The following PLXDC2 variants were observed in gnomAD, a reference collection of about 807,000 sequenced individuals.
PLXDC2 encodes plexin domain containing 2, also known as plexin domain-containing protein 2.
Under a neutral mutation model 68.9 loss-of-function variants are expected in PLXDC2, and 40 were observed. The observed-to-expected ratio is 0.58, with a 90% CI of 0.45 to 0.76. The LOEUF (loss-of-function observed/expected upper bound fraction) is 0.76, where lower values mean the gene tolerates loss of function less well. Ranked by LOEUF, PLXDC2 falls within the 30% of genes least tolerant of loss-of-function variation. The probability of loss-of-function intolerance (pLI) is 0.00; values close to 1 mark genes in which losing one functional copy is unlikely to be tolerated. For synonymous variants in PLXDC2, 243 were observed against 234.2 expected, an observed-to-expected ratio of 1.04 and a Z score of -0.34; for missense variants, 644 against 661.9, an observed-to-expected ratio of 0.97 and a Z score of 0.30.
At chr10:20,237,876 A>G (rs1424160447) in intron 12 of PLXDC2, among the ~76,000 whole-genome samples, 1 of 152,200 alleles carries the variant, frequency 6.6e-6, no homozygotes, top group Non-Finnish European at 1.5e-5. Context: ...GCCCAGGAGA[A>G]GAGTTAGTTC....
intron 8 of PLXDC2, 25 bp from the exon 9 acceptor site, chr10:20,177,303 G>GA: frequency 6.5e-7 from 1 of 1,547,298 alleles, no homozygotes; most frequent in Non-Finnish European, 8.9e-7. Flanking sequence ...TAGTCTTGGT[G>GA]AATCTGTTCT....
chr10:19,929,799 G>A (rs1228952421), intron 1 of PLXDC2, among the ~76,000 whole-genome samples: 1 of 152,204 alleles, frequency 6.6e-6, no homozygotes, highest in Non-Finnish European at 1.5e-5. Flanking sequence ...CAAGAGAATA[G>A]TTTCTGTTGT....
Position 20,002,935 on chromosome 10 carries a change from A to G in PLXDC2, c.324+949A>G, listed in dbSNP as rs77720540. ...CGTAGGATGGCTTCCAGTGTTAAATATGGAACAGTTCTGGACAAACTGGGA... is the reference window on the plus strand; with the variant it reads ...CGTAGGATGGCTTCCAGTGTTAAATGTGGAACAGTTCTGGACAAACTGGGA... On this transcript the variant is annotated intron_variant, in intron 2 of 13. Transcript: ENST00000377252. Among the ~76,000 whole-genome samples, 46 of 152,254 alleles carry G rather than the reference A, an allele frequency of 3.0e-4. No individual in the cohort carries two copies. In the East Asian group the frequency reaches 8.7e-3, roughly 29 times the overall value.
intron 1 of PLXDC2, among the ~76,000 whole-genome samples, chr10:19,965,371 T>C (rs898097920): frequency 3.9e-5 from 6 of 152,160 alleles, no homozygotes; most frequent in Admixed American, 3.3e-4. Flanking sequence ...CTATTGGCCA[T>C]TTTTTGGTGG....
rs768930890 is a variant in PLXDC2, at chr10:19,963,603, C to T, written c.113-38172C>T. On this transcript the variant is annotated intron_variant, in intron 1 of 13. Coordinates refer to ENST00000377252, the MANE Select transcript of PLXDC2 (RefSeq NM_032812.9). ...ATCGCAAGGCCAAAAAACCAAACAC[C>T]GCATGTTCTCACTCATAGGTGGGAA... Among the ~76,000 whole-genome samples the T allele has an allele frequency of 2.4e-4, 36 of 152,148 alleles. 1 individual carries two copies. Among genetic ancestry groups the T allele is most frequent in the Admixed American group, 8.5e-4 (13 of 15,280 alleles).
At chr10:19,894,413 T>C (rs1041583001) in intron 1 of PLXDC2, among the ~76,000 whole-genome samples, 1 of 152,090 alleles carries the variant, frequency 6.6e-6, no homozygotes, top group Non-Finnish European at 1.5e-5. Context: ...ACTTTCAATT[T>C]CAATTGGAAT....
At chr10:19,841,545 T>A (rs544252494) in intron 1 of PLXDC2, among the ~76,000 whole-genome samples, 1 of 151,544 alleles carries the variant, frequency 6.6e-6, no homozygotes, top group Admixed American at 6.6e-5. Context: ...GGGTTTTTTT[T>A]TTTTTTTTTT....
At chr10:19,900,895 A>G (rs1838147018) in intron 1 of PLXDC2, among the ~76,000 whole-genome samples, 2 of 151,858 alleles carry the variant, frequency 1.3e-5, no homozygotes. Context: ...TTAGAATAAT[A>G]GTCTCCAATC....
Position 19,963,581 on chromosome 10 carries a change from G to T in PLXDC2, c.113-38194G>T, listed in dbSNP as rs192665154. On this transcript the variant is annotated intron_variant, in intron 1 of 13. Coordinates refer to ENST00000377252, the MANE Select transcript of PLXDC2 (RefSeq NM_032812.9). ...AAACCATCATTCTCAGCAAACTATC[G>T]CAAGGCCAAAAAACCAAACACCGCA... is the stretch of plus-strand genomic sequence containing the variant. Among the ~76,000 whole-genome samples, 104 of 152,050 alleles carry T rather than the reference G, an allele frequency of 6.8e-4. 1 individual carries two copies. The highest frequency in any genetic ancestry group is 5.5e-3 in the Admixed American group (84 of 15,270).
At chr10:19,868,150 T>C (rs1837457302) in intron 1 of PLXDC2, among the ~76,000 whole-genome samples, 1 of 152,152 alleles carries the variant, frequency 6.6e-6, no homozygotes, top group African/African-American at 2.4e-5. Flanking sequence ...TGGGGGTACA[T>C]GTGGAGGTTT....
intron 7 of PLXDC2, among the ~76,000 whole-genome samples, chr10:20,170,929 T>C (rs868853342): frequency 7.9e-5 from 12 of 152,092 alleles, no homozygotes; most frequent in Middle Eastern, 3.4e-3. Flanking sequence ...TTATTTCTTC[T>C]TTGCTTTTTA....
chr10:20,128,473 T>C (rs1397966072), intron 4 of PLXDC2, among the ~76,000 whole-genome samples: 1 of 152,200 alleles, frequency 6.6e-6, no homozygotes, highest in Non-Finnish European at 1.5e-5. Context: ...GCTTGATTAA[T>C]ATATCCATCA....
At chr10:19,913,985 A>T (rs74536140) in intron 1 of PLXDC2, among the ~76,000 whole-genome samples, 7,647 of 151,966 alleles carry the variant, frequency 0.05, 267 homozygotes, top group South Asian at 0.14. Flanking sequence ...GCTTGAAAGG[A>T]AAAGATAAGA....
At chr10:20,026,170 A>AATT (rs1389053393) in intron 2 of PLXDC2, among the ~76,000 whole-genome samples, 15 of 152,080 alleles carry the variant, frequency 9.9e-5, no homozygotes, top group Non-Finnish European at 2.1e-4. Flanking sequence ...AGGTTTAATT[A>AATT]AACTTAATGC....
At chr10:19,828,220 G>A (rs751322627) in intron 1 of PLXDC2, among the ~76,000 whole-genome samples, 1 of 152,142 alleles carries the variant, frequency 6.6e-6, no homozygotes, top group Non-Finnish European at 1.5e-5. Context: ...AAACAGCTTT[G>A]GAAAGAAAGG....
intron 1 of PLXDC2, among the ~76,000 whole-genome samples, chr10:19,876,601 CAAAAAAAAAAA>C (rs61268790): frequency 3.1e-5 from 2 of 63,968 alleles, no homozygotes; most frequent in Admixed American, 4.7e-4. Flanking sequence ...GATTCCATCT[CAAAAAAAAAAA>C]AAAAAAAAAA....
chr10:19,981,192 A>G lies in PLXDC2; in HGVS notation c.113-20583A>G, dbSNP rs190688159. 2.0e-5 allele frequency among the ~76,000 whole-genome samples: 3 copies of G among 152,332 alleles called. No individual in the cohort carries two copies. The East Asian group carries it at 5.8e-4, about 29-fold the overall frequency. On this transcript the variant is annotated intron_variant, in intron 1 of 13. Coordinates refer to ENST00000377252, the MANE Select transcript of PLXDC2 (RefSeq NM_032812.9). The stretch of plus-strand genomic sequence containing the variant: ...TGATAGTTGAATCTTCAAGAATTTC[A>G]ATAGTTGCTCTCTGTTTCTGTGTTT...
intron 1 of PLXDC2, among the ~76,000 whole-genome samples, chr10:19,899,023 A>T (rs1838113799): frequency 1.3e-5 from 2 of 152,206 alleles, no homozygotes; most frequent in Non-Finnish European, 2.9e-5. Context: ...TATAAAATAA[A>T]AACAACCCAG....
chr10:20,004,034 C>G (rs906076080), intron 2 of PLXDC2, among the ~76,000 whole-genome samples: 4 of 152,122 alleles, frequency 2.6e-5, no homozygotes, highest in African/African-American at 9.7e-5. Flanking sequence ...AAGAACCAGG[C>G]AGCATTCTTT....
Sources: gnomAD v4.1 joint callset for allele counts (sites outside exome capture counted in the v4.1 genomes callset) on GRCh38, gnomAD v4.1.1 for gene constraint, MANE v1.5 for transcripts, NCBI Gene and HGNC (gene_info 2026-07-23, HGNC 2026-07-21) for gene names.